MED23: variants seen among roughly 807,000 people sequenced by gnomAD.
MED23 encodes mediator of RNA polymerase II transcription subunit 23.
A neutral mutation model predicts 163.9 loss-of-function variants in MED23; 105 were observed. The ratio of observed to expected loss-of-function variants is 0.64; its 90% CI spans 0.55 to 0.75. The LOEUF (loss-of-function observed/expected upper bound fraction) is 0.75, where lower values mean the gene tolerates loss of function less well. Among genes scored for constraint, MED23 ranks in the 30% least tolerant of loss-of-function variants. MED23 has a pLI of 0.00. For missense variants in MED23, 1,054 were observed against 1,649.0 expected (o/e 0.64, Z 6.25); for synonymous variants, 561 against 565.6 (o/e 0.99, Z 0.12).
chr6:131,601,729 T>C (rs1387562228), intron 17 of MED23, among the ~76,000 whole-genome samples: 1 of 152,152 alleles, frequency 6.6e-6, no homozygotes. Flanking sequence ...GAAGCAAAAA[T>C]GTCAAACAAT....
chr6:131,603,418 G>A (rs1252560732), intron 15 of MED23, among the ~76,000 whole-genome samples: 3 of 152,020 alleles, frequency 2.0e-5, no homozygotes, highest in Non-Finnish European at 4.4e-5. Flanking sequence ...TTTTTCCTGG[G>A]ATTTGGCAAT....
chr6:131,606,424 A>G, intron 13 of MED23, 55 bp downstream of exon 13: 1 of 1,575,174 alleles, frequency 6.3e-7, no homozygotes, highest in East Asian at 2.2e-5. Flanking sequence ...ATATTAGTCT[A>G]CAATCCGCTA....
At chr6:131,594,705 A>C (rs892430522) in intron 22 of MED23, among the ~76,000 whole-genome samples, 32 of 152,324 alleles carry the variant, frequency 2.1e-4, no homozygotes, top group Admixed American at 2.0e-3. Flanking sequence ...CTGATAAAGT[A>C]AATCTGGCAT....
Position 131,596,507 on chromosome 6 carries a change from A to C in MED23, c.2778+11T>G. ...AAAAGGACTATTTGAAATACCAATTAGGACTAGTACCTTGTGATAATTCAT... is the reference window on the plus strand; with the variant it reads ...AAAAGGACTATTTGAAATACCAATTCGGACTAGTACCTTGTGATAATTCAT... On this transcript the variant is annotated intron_variant, in intron 21 of 28. Transcript: ENST00000368068. 1 of 1,613,916 alleles carries C rather than the reference A, an allele frequency of 6.2e-7. No homozygotes were observed. The highest frequency in any genetic ancestry group is 8.5e-7 in the Non-Finnish European group (1 of 1,179,772).
intron 10 of MED23, among the ~76,000 whole-genome samples, chr6:131,614,520 A>G (rs1776521124): frequency 6.6e-6 from 1 of 152,210 alleles, no homozygotes; most frequent in African/African-American, 2.4e-5. Context: ...TAAAATATCA[A>G]AGGTGAAAAG....
At chr6:131,616,086 C>T in intron 9 of MED23, 84 bp from the exon 10 acceptor site, 1 of 1,109,384 alleles carries the variant, frequency 9.0e-7, no homozygotes, top group South Asian at 1.3e-5. Context: ...AAAAAATCCT[C>T]TAAAGGCACT....
intron 10 of MED23, among the ~76,000 whole-genome samples, chr6:131,615,066 C>CAAAAAAAA (rs5880072): frequency 1.1e-3 from 75 of 68,166 alleles, no homozygotes; most frequent in African/African-American, 2.7e-3. Context: ...TCTTTGTTAC[C>CAAAAAAAA]AAAAAAAAAA....
chr6:131,627,928 C>A, intron 1 of MED23, 83 bp downstream of exon 1: 3 of 1,567,506 alleles, frequency 1.9e-6, no homozygotes, highest in Non-Finnish European at 2.6e-6. Context: ...GAGGAGGTTG[C>A]CCAGGCCAGT....
chr6:131,591,317 G>T lies in MED23; in HGVS notation c.3682C>A (p.Pro1228Thr). 6.2e-7 allele frequency: 1 copy of T among 1,607,590 alleles called. No homozygotes were observed. The highest frequency in any genetic ancestry group is 8.5e-7 in the Non-Finnish European group (1 of 1,174,210). The change falls in exon 26 of 29, where the codon CCA becomes ACA. Residue 1228 changes from proline (P) to threonine (T), a missense_variant. Around this residue, in one of 11 missense-constraint regions of MED23, gnomAD observed 362 missense variants for 471.6 expected, o/e 0.77. Transcript: ENST00000368068. ...HSSIGQLSLI[P>T]KFLTEVLLPI... ...TTAAGAAATTATTATACTTACTTTG[G>T]AATGAGAGAAAGTTGTCCGATGCTA... is the stretch of plus-strand genomic sequence containing the variant.
intron 10 of MED23, among the ~76,000 whole-genome samples, chr6:131,613,921 G>C (rs1159521616): frequency 3.3e-5 from 5 of 152,078 alleles, no homozygotes; most frequent in Non-Finnish European, 1.5e-5. Flanking sequence ...AGGATATCTG[G>C]GGGAGGGTAT....
intron 28 of MED23, among the ~76,000 whole-genome samples, chr6:131,589,094 T>C (rs1302164788): frequency 1.3e-5 from 2 of 152,198 alleles, no homozygotes; most frequent in Non-Finnish European, 1.5e-5. Flanking sequence ...ACTGTCACCA[T>C]GAGTGTCAGG....
chr6:131,622,304 CAA>C (rs777384242), intron 5 of MED23, among the ~76,000 whole-genome samples: 3 of 152,176 alleles, frequency 2.0e-5, no homozygotes, highest in African/African-American at 7.2e-5. Flanking sequence ...TATATTGTAA[CAA>C]GACTTCAATG....
Position 131,598,222 on chromosome 6 carries a change from C to T in MED23, c.2607+65G>A. ...TTCAAAGCAATATAGAGCAGATTGG[C>T]ATAACATATATTAGTCATACATCTT... On this transcript the variant is annotated intron_variant, in intron 20 of 28. Coordinates refer to ENST00000368068, the MANE Select transcript of MED23 (RefSeq NM_004830.4). This position sits in a 1 kb window ranked among gnomAD's most constrained non-coding sequence, Gnocchi z 4.7. 6.9e-7 allele frequency: 1 copy of T among 1,444,410 alleles called. No homozygotes were observed. The highest frequency in any genetic ancestry group is 1.2e-5 in the South Asian group (1 of 86,906). The allele number at this position is 1,444,410 out of a possible 1,614,324, so 89.5% of individuals were successfully genotyped here.
In MED23 at chr6:131,611,014, T is replaced by C. The variant is rs139168308; in HGVS notation, c.877-768A>G. On this transcript the variant is annotated intron_variant, in intron 10 of 28. Transcript: ENST00000368068. The stretch of plus-strand genomic sequence containing the variant: ...AAAAGATCTGTGCTTTTAAAAGTGA[T>C]TTAAAAAATATATTTTTACCAAAAG... Among the ~76,000 whole-genome samples, 457 of 152,328 alleles carry C rather than the reference T, an allele frequency of 3.0e-3. 2 individuals are homozygous for C. The highest frequency in any genetic ancestry group is 5.3e-3 in the Non-Finnish European group (360 of 68,016).
At chr6:131,594,412 A>C in intron 22 of MED23, 77 bp from the exon 23 acceptor site, 1 of 1,101,728 alleles carries the variant, frequency 9.1e-7, no homozygotes, top group Non-Finnish European at 1.4e-6. Flanking sequence ...ACTGCTTTCC[A>C]GATAACTGAA....
intron 18 of MED23, among the ~76,000 whole-genome samples, chr6:131,599,401 G>C (rs1420888623): frequency 2.0e-5 from 3 of 152,100 alleles, no homozygotes; most frequent in Non-Finnish European, 4.4e-5. Flanking sequence ...CTCCTTATTA[G>C]AAAAGCCAGG....
chr6:131,595,873 T>C, intron 22 of MED23, 74 bp downstream of exon 22: 1 of 1,110,228 alleles, frequency 9.0e-7, no homozygotes, highest in South Asian at 1.2e-5. Context: ...AGAGCCACTA[T>C]TACCATGTGG....
chr6:131,586,619 C>A (rs923916235), downstream of MED23: 1 of 478,430 alleles, frequency 2.1e-6, no homozygotes, highest in Non-Finnish European at 3.0e-6. Flanking sequence ...ACTCTTAATT[C>A]CTAGGCCAAT....
Position 131,586,978 on chromosome 6 carries a change from A to T in MED23, c.*701T>A. ...ACTTATTTTTAAAAAAAGAAATTGG[A>T]GAATCAACCATTTAAGCATGATTTT... On this transcript the variant is annotated 3_prime_UTR_variant, in exon 29 of 29. Coordinates refer to ENST00000368068, the MANE Select transcript of MED23 (RefSeq NM_004830.4). 6.7e-7 allele frequency: 1 copy of T among 1,492,146 alleles called. No individual in the cohort carries two copies. The highest frequency in any genetic ancestry group is 8.9e-7 in the Non-Finnish European group (1 of 1,119,198). 92.4% of individuals were successfully genotyped at this position (1,492,146 alleles called of 1,614,324 possible).
Sources: gnomAD v4.1 joint callset for allele counts (sites outside exome capture counted in the v4.1 genomes callset) on GRCh38, gnomAD v4.1.1 for gene constraint, gnomAD v4.1.1 regional missense constraint, Gnocchi (gnomAD v3.1) non-coding constraint, MANE v1.5 for transcripts, NCBI Gene and HGNC (gene_info 2026-07-23, HGNC 2026-07-21) for gene names.